The following NUP88 variants were observed in gnomAD, a reference collection of about 807,000 sequenced individuals.
NUP88 encodes the protein nucleoporin 88.
NUP88 carries 57 observed loss-of-function variants against 93.9 expected under a neutral mutation model. The ratio of observed to expected loss-of-function variants is 0.61; its 90% confidence interval spans 0.49 to 0.76. NUP88 has a LOEUF of 0.76. Ranked by LOEUF, NUP88 falls within the 30% of genes least tolerant of loss-of-function variation. The pLI is 0.00. For missense variants in NUP88, 911 were observed against 901.0 expected, an observed-to-expected ratio of 1.01 and a Z score of -0.14; for synonymous variants, 346 against 336.8, an observed-to-expected ratio of 1.03 and a Z score of -0.30.
Position 5,389,083 on chromosome 17 carries a change from G to A in NUP88, c.1485-123C>T, listed in dbSNP as rs1912244276. 7.2e-6 allele frequency: 5 copies of A among 697,578 alleles called. No individual in the cohort carries two copies. The African/African-American group carries it at 9.2e-5, about 13-fold the overall frequency. The allele number at this position is 697,578 out of a possible 1,614,324, so 43.2% of individuals were successfully genotyped here. On this transcript the variant is annotated intron_variant, in intron 10 of 16. Coordinates refer to ENST00000573584, the MANE Select transcript of NUP88 (RefSeq NM_002532.6). ...AATAAAGTGTAACTTTTGTAAAAGT[G>A]CAAGAATGCATGTTTTCCACCTTGA... is the stretch of plus-strand genomic sequence containing the variant.
chr17:5,398,759 T>C (rs1231209960), intron 8 of NUP88, among the ~76,000 whole-genome samples: 1 of 151,540 alleles, frequency 6.6e-6, no homozygotes, highest in Non-Finnish European at 1.5e-5. Flanking sequence ...CAGCTAATTT[T>C]TGTATTTTAA....
rs779719274 is a variant in NUP88, at chr17:5,394,943, C to G, written c.1330G>C (p.Glu444Gln). ...DKDSLQELST[E>Q]QKCFVEHILC... ...ATGTGTTCAACAAAGCATTTCTGTT[C>G]TGTAGAGAGTTCCTGTAAACTATCC... The change falls in exon 9 of 17, where the codon GAA becomes CAA. Residue 444 changes from glutamate to glutamine, a missense_variant. Coordinates refer to ENST00000573584, the MANE Select transcript of NUP88 (RefSeq NM_002532.6). 4 of 1,613,438 alleles carry G rather than the reference C, an allele frequency of 2.5e-6. No homozygotes were observed. The South Asian group carries it at 4.4e-5, about 18-fold the overall frequency.
chr17:5,404,601 C>T (rs1004040252), intron 6 of NUP88, among the ~76,000 whole-genome samples: 5 of 151,720 alleles, frequency 3.3e-5, no homozygotes, highest in South Asian at 4.2e-4. Context: ...GCACCAAGAG[C>T]GAAACTCTGT....
chr17:5,404,512 G>A (rs140319237), intron 6 of NUP88, among the ~76,000 whole-genome samples: 18,847 of 152,088 alleles, frequency 0.12, 1,346 homozygotes, highest in East Asian at 0.23. Context: ...TACTGGGGAG[G>A]CTGACGCAAG....
chr17:5,413,141 C>T (rs1005895933), intron 3 of NUP88, among the ~76,000 whole-genome samples: 2 of 151,822 alleles, frequency 1.3e-5, no homozygotes, highest in Admixed American at 6.6e-5. Context: ...TTATGCCCAG[C>T]TAATTTTTTT....
intron 3 of NUP88, 146 bp from the exon 4 acceptor site, chr17:5,410,935 G>T: frequency 1.6e-6 from 1 of 625,782 alleles, no homozygotes; most frequent in Non-Finnish European, 2.9e-6. Context: ...CTGTTGCAAA[G>T]TAGTCTAGTT....
In NUP88 at chr17:5,387,058, T is replaced by A; in HGVS notation, c.1969A>T (p.Ser657Cys). The A allele has an allele frequency of 6.2e-7, 1 of 1,614,046 alleles. No homozygotes were observed. The highest frequency in any genetic ancestry group is 1.1e-5 in the South Asian group (1 of 91,082). Residue 657 changes from serine to cysteine, a missense_variant, in exon 15 of 17, where the codon AGT (serine) becomes TGT (cysteine). By Grantham distance (112) the Ser-to-Cys change is moderately radical. Coordinates refer to ENST00000573584, the MANE Select transcript of NUP88 (RefSeq NM_002532.6). ...FHSELPVLSD[S>C]ERDMKKELQL... Reference sequence around the variant, plus strand: ...AATTCTTTCTTCATGTCTCGCTCACTATCAGAGAGAACTGGGAGCTCAGAG... The same window carrying A: ...AATTCTTTCTTCATGTCTCGCTCACAATCAGAGAGAACTGGGAGCTCAGAG...
Position 5,416,525 on chromosome 17 carries a change from G to A in NUP88, c.455C>T (p.Thr152Ile), listed in dbSNP as rs368365946. 4.5e-5 allele frequency: 72 copies of A among 1,607,220 alleles called. No individual in the cohort carries two copies. The highest frequency in any genetic ancestry group is 7.8e-5 in the South Asian group (7 of 89,350). ...GTATACAACTTACCTACAATTCACT[G>A]TTGATTTTCCACCTTCAAATTCAGA... ...KNSEFEGGKS[T>I]VNCSTTPVAE... is the part of the protein sequence containing the mutation. The change falls in exon 2 of 17, where the codon ACA (threonine) becomes ATA (isoleucine). Residue 152 changes from threonine to isoleucine, a missense_variant. Physicochemically the swap from Thr to Ile is moderately conservative, Grantham distance 89. Coordinates refer to ENST00000573584, the MANE Select transcript of NUP88 (RefSeq NM_002532.6).
chr17:5,406,621 T>C (rs1211724202), intron 5 of NUP88, among the ~76,000 whole-genome samples: 1 of 152,168 alleles, frequency 6.6e-6, no homozygotes, highest in African/African-American at 2.4e-5. Flanking sequence ...AGTAGGCAGA[T>C]GATGCAGTTC....
chr17:5,401,785 T>C (rs1913184924), intron 7 of NUP88, among the ~76,000 whole-genome samples: 1 of 152,364 alleles, frequency 6.6e-6, no homozygotes, highest in South Asian at 2.1e-4. Context: ...CCTGTAGTGC[T>C]AACATCAACA....
At chr17:5,419,313 G>A in intron 1 of NUP88, 41 bp downstream of exon 1, 1 of 1,511,748 alleles carries the variant, frequency 6.6e-7, no homozygotes, top group Non-Finnish European at 8.9e-7. Context: ...GACTGGTTCC[G>A]ATCCCGGTGA....
intron 7 of NUP88, among the ~76,000 whole-genome samples, chr17:5,400,489 G>A (rs528512683): frequency 9.7e-6 from 1 of 102,792 alleles, no homozygotes; most frequent in East Asian, 3.5e-4. Context: ...GTGAAACTCC[G>A]TCTCAAAAAA....
chr17:5,414,049 C>A lies in NUP88; in HGVS notation c.553G>T (p.Asp185Tyr). 1 of 1,613,930 alleles carries A rather than the reference C, an allele frequency of 6.2e-7. No individual in the cohort carries two copies. The highest frequency in any genetic ancestry group is 1.1e-5 in the South Asian group (1 of 91,080). The change falls in exon 3 of 17, where the codon GAT becomes TAT. Residue 185 changes from aspartate (D) to tyrosine (Y), a missense_variant. Transcript: ENST00000573584. ...GATGTTAACAGCACTACGTGGGGAT[C>A]CAGGATTTCACTTGGATACCATGCA... Reference protein sequence around the residue: ...HAAWYPSEILDPHVVLLTSDN... With the variant: ...HAAWYPSEILYPHVVLLTSDN...
At chr17:5,405,329 C>T in intron 5 of NUP88, 86 bp from the exon 6 acceptor site, 2 of 1,123,828 alleles carry the variant, frequency 1.8e-6, no homozygotes, top group Admixed American at 2.1e-5. Context: ...TTGTTTTCCT[C>T]CAGCTATCAT....
chr17:5,407,998 A>G (rs1449737751), intron 5 of NUP88, among the ~76,000 whole-genome samples: 4 of 139,044 alleles, frequency 2.9e-5, no homozygotes, highest in Non-Finnish European at 6.1e-5. Context: ...ATTCCTACAG[A>G]AAAAAAACCC....
rs1470212855 is a variant in NUP88 at position 5,386,097 on chromosome 17, A to C, written c.*109T>G. On this transcript the variant is annotated 3_prime_UTR_variant, in exon 17 of 17. Transcript: ENST00000573584. ...ATATTTAAAAAGATGAACCACACCA[A>C]AGGTCATCAAAACACCTTTTTATAA... is the stretch of plus-strand genomic sequence containing the variant. The C allele has an allele frequency of 1.3e-6, 1 of 751,192 alleles. No homozygotes were observed. The highest frequency in any genetic ancestry group is 2.2e-6 in the Non-Finnish European group (1 of 452,930). The allele number at this position is 751,192 out of a possible 1,614,324, so 46.5% of individuals were successfully genotyped here. A position where few individuals can be genotyped will look rare whatever the true frequency, so the allele number is the denominator to read the frequency against.
chr17:5,417,595 T>G (rs1324149389), intron 1 of NUP88, among the ~76,000 whole-genome samples: 4 of 152,242 alleles, frequency 2.6e-5, no homozygotes, highest in African/African-American at 9.6e-5. Flanking sequence ...TGCCAGCACT[T>G]TGGGAGGCCA....
chr17:5,408,647 A>C (rs1248077934), intron 5 of NUP88, 86 bp downstream of exon 5: 2 of 1,041,320 alleles, frequency 1.9e-6, no homozygotes, highest in Admixed American at 2.6e-5. Flanking sequence ...CAGACTCAAA[A>C]ACATGGCTCC....
chr17:5,409,597 C>T (rs1423514874), intron 4 of NUP88, among the ~76,000 whole-genome samples: 3 of 152,126 alleles, frequency 2.0e-5, no homozygotes, highest in Admixed American at 6.6e-5. Flanking sequence ...TACAAATACT[C>T]GCAAAGCACC....
Sources: allele counts gnomAD v4.1 joint callset (sites outside exome capture counted in the v4.1 genomes callset), GRCh38; gene constraint gnomAD v4.1.1; transcripts MANE v1.5; gene names NCBI Gene and HGNC (gene_info 2026-07-23, HGNC 2026-07-21).